The following ZFHX3 variants were observed in gnomAD, a reference collection of about 807,000 sequenced individuals.
The protein encoded by ZFHX3 is zinc finger homeobox protein 3.
A neutral mutation model predicts 279.1 loss-of-function variants in ZFHX3; 42 were observed. The observed-to-expected ratio is 0.15, with a 90% confidence interval of 0.12 to 0.19. The LOEUF is 0.19. Among genes scored for constraint, ZFHX3 ranks in the 10% least tolerant of loss-of-function variants. The pLI is 1.00. For synonymous variants in ZFHX3, 2,293 were observed against 1,957.8 expected, an observed-to-expected ratio of 1.17 and a Z score of -4.52; for missense variants, 4,981 against 4,754.0, an observed-to-expected ratio of 1.05 and a Z score of -1.40.
At chr16:73,672,126 A>C (rs2052909832) in intron 2 of ZFHX3, among the ~76,000 whole-genome samples, 1 of 152,190 alleles carries the variant, frequency 6.6e-6, no homozygotes, top group Non-Finnish European at 1.5e-5. Context: ...AGTGTATATA[A>C]GACAGATTCA....
chr16:73,255,438 G>T (rs1020135589), intron 5 of ZFHX3, among the ~76,000 whole-genome samples: 2 of 152,182 alleles, frequency 1.3e-5, no homozygotes, highest in Non-Finnish European at 2.9e-5. Flanking sequence ...TCATGAAGGG[G>T]CACTTGTTAG....
chr16:73,156,834 C>T (rs1249994084), intron 5 of ZFHX3, among the ~76,000 whole-genome samples: 2 of 152,080 alleles, frequency 1.3e-5, no homozygotes, highest in South Asian at 2.1e-4. Context: ...CTGCCTTAGC[C>T]TCCCGAGTAG....
chr16:73,271,088 T>C (rs777637619), intron 4 of ZFHX3, among the ~76,000 whole-genome samples: 8 of 152,206 alleles, frequency 5.3e-5, no homozygotes, highest in Admixed American at 1.3e-4. Context: ...ATTTAATTTG[T>C]CTGGGGTGTG....
intron 7 of ZFHX3, among the ~76,000 whole-genome samples, chr16:73,105,352 T>TATATAC (rs1419258011): frequency 9.8e-6 from 1 of 102,392 alleles, no homozygotes; most frequent in African/African-American, 6.2e-5. Context: ...TATATATATA[T>TATATAC]ACACATATAT....
chr16:72,851,429 T>C (rs985707760), intron 4 of ZFHX3, among the ~76,000 whole-genome samples: 3 of 152,202 alleles, frequency 2.0e-5, no homozygotes, highest in Admixed American at 2.0e-4. Context: ...ACTCTTGGGT[T>C]CTTGCAACGG....
intron 2 of ZFHX3, among the ~76,000 whole-genome samples, chr16:73,542,095 C>T (rs1015263611): frequency 5.9e-5 from 9 of 152,070 alleles, no homozygotes; most frequent in Admixed American, 1.3e-4. Context: ...CAACCGCGCC[C>T]GGCCCTGTTT....
At chr16:73,497,808 G>A (rs1438888970) in intron 2 of ZFHX3, among the ~76,000 whole-genome samples, 1 of 152,186 alleles carries the variant, frequency 6.6e-6, no homozygotes, top group Non-Finnish European at 1.5e-5. Context: ...GCTGGAGAAA[G>A]GAGAAAGGAT....
intron 7 of ZFHX3, among the ~76,000 whole-genome samples, chr16:73,096,252 A>G (rs563286915): frequency 1.3e-5 from 2 of 151,466 alleles, no homozygotes; most frequent in South Asian, 4.2e-4. Context: ...TATGACTCCC[A>G]GTGCTGGAGA....
chr16:73,242,334 A>G (rs569324725), intron 5 of ZFHX3, among the ~76,000 whole-genome samples: 105 of 152,146 alleles, frequency 6.9e-4, no homozygotes, highest in Non-Finnish European at 1.1e-3. Flanking sequence ...CTCCTTCTAC[A>G]ACTATGAACT....
intron 2 of ZFHX3, among the ~76,000 whole-genome samples, chr16:73,564,636 T>C (rs750552422): frequency 2.0e-5 from 3 of 152,124 alleles, no homozygotes; most frequent in African/African-American, 4.8e-5. Context: ...AACATCCCCC[T>C]GTATTCTATA....
At chr16:73,485,440 A>G (rs1273271745) in intron 2 of ZFHX3, among the ~76,000 whole-genome samples, 1 of 151,762 alleles carries the variant, frequency 6.6e-6, no homozygotes, top group Non-Finnish European at 1.5e-5. Flanking sequence ...AAAAAAAAAA[A>G]AAAAAAACTT....
chr16:73,635,033 C>T (rs997559367), intron 2 of ZFHX3, among the ~76,000 whole-genome samples: 9 of 151,928 alleles, frequency 5.9e-5, no homozygotes, highest in Admixed American at 3.9e-4. Flanking sequence ...TACAATGTGT[C>T]GAGTCATTTA....
intron 3 of ZFHX3, among the ~76,000 whole-genome samples, chr16:73,332,263 C>G (rs1567452737): frequency 6.6e-6 from 1 of 152,122 alleles, no homozygotes; most frequent in Non-Finnish European, 1.5e-5. Context: ...AGATTACACA[C>G]TGGGAGAAAA....
chr16:73,319,157 C>T (rs1233821594), intron 3 of ZFHX3, among the ~76,000 whole-genome samples: 2 of 151,922 alleles, frequency 1.3e-5, no homozygotes, highest in Middle Eastern at 3.4e-3. Context: ...GTAATAGATG[C>T]GCCATGTGCA....
intron 4 of ZFHX3, among the ~76,000 whole-genome samples, chr16:73,272,137 C>T (rs932465542): frequency 6.6e-6 from 1 of 152,130 alleles, no homozygotes; most frequent in Non-Finnish European, 1.5e-5. Context: ...GTAGAGCTAA[C>T]CGTATTTATT....
chr16:73,090,837 A>G (rs1424300606), intron 8 of ZFHX3, among the ~76,000 whole-genome samples: 1 of 149,912 alleles, frequency 6.7e-6, no homozygotes, highest in East Asian at 2.0e-4. Context: ...CTTGAGCCCA[A>G]GAGGTCAAGG....
At chr16:73,603,881 T>C (rs2052150572) in intron 2 of ZFHX3, among the ~76,000 whole-genome samples, 1 of 148,896 alleles carries the variant, frequency 6.7e-6, no homozygotes, top group Non-Finnish European at 1.5e-5. Context: ...CAGGTTCAAG[T>C]GATTCTCCTG....
At chr16:73,688,461 A>C (rs80115786) in intron 1 of ZFHX3, among the ~76,000 whole-genome samples, 5,284 of 152,142 alleles carry the variant, frequency 0.035, 102 homozygotes, top group Middle Eastern at 0.044. Context: ...ACCCCCAGGA[A>C]TGGAATTAGC....
At chr16:73,329,697 C>T (rs1030728210) in intron 3 of ZFHX3, among the ~76,000 whole-genome samples, 8 of 152,170 alleles carry the variant, frequency 5.3e-5, no homozygotes, top group Non-Finnish European at 1.2e-4. Context: ...TGTAATCCTG[C>T]ATGCATTGGT....
Sources: gnomAD v4.1 joint callset for allele counts (sites outside exome capture counted in the v4.1 genomes callset) on GRCh38, gnomAD v4.1.1 for gene constraint, MANE v1.5 for transcripts, NCBI Gene and HGNC (gene_info 2026-07-23, HGNC 2026-07-21) for gene names.